CCL26: variants seen among roughly 807,000 people sequenced by gnomAD.
CCL26 encodes C-C motif chemokine ligand 26.
A neutral mutation model predicts 10.7 loss-of-function variants in CCL26; 10 were observed. The observed-to-expected ratio is 0.93, with a 90% CI of 0.57 to 1.58. The LOEUF (loss-of-function observed/expected upper bound fraction) is 1.58, where lower values mean the gene tolerates loss of function less well. CCL26 is among the 40% of genes most tolerant of loss of function. The pLI is 0.00. For missense variants in CCL26, 116 were observed against 111.0 expected, an observed-to-expected ratio of 1.05 and a Z score of -0.20; for synonymous variants, 43 against 41.4, an observed-to-expected ratio of 1.04 and a Z score of -0.15.
chr7:75,790,410 C>T (rs1386704547), upstream of CCL26, among the ~76,000 whole-genome samples: 7 of 130,386 alleles, frequency 5.4e-5, no homozygotes, highest in East Asian at 2.0e-3. Context: ...CCACCATGTT[C>T]TGCTAACTTA....
At chr7:75,788,555 G>T (rs535009067) in intron 1 of CCL26, among the ~76,000 whole-genome samples, 3 of 151,940 alleles carry the variant, frequency 2.0e-5, no homozygotes, top group South Asian at 4.2e-4. Context: ...TCACATGGAC[G>T]CGAGTGAAAC....
At chr7:75,789,027 T>C (rs1244374821) in intron 1 of CCL26, among the ~76,000 whole-genome samples, 2 of 151,774 alleles carry the variant, frequency 1.3e-5, no homozygotes, top group African/African-American at 4.8e-5. Context: ...GCTCAAGGGA[T>C]TCTCCCTCCT....
At chr7:75,784,755 C>T (rs1803145495) in intron 1 of CCL26, among the ~76,000 whole-genome samples, 1 of 151,984 alleles carries the variant, frequency 6.6e-6, no homozygotes, top group Non-Finnish European at 1.5e-5. Context: ...TCATTGCCAC[C>T]TTTTCCCCCA....
chr7:75,770,688 T>A (rs1440936369), intron 2 of CCL26, among the ~76,000 whole-genome samples: 2 of 151,716 alleles, frequency 1.3e-5, no homozygotes, highest in Admixed American at 6.6e-5. Flanking sequence ...GCCTATTTTA[T>A]TTTTTTTGAA....
At chr7:75,770,447 T>C (rs2031454247) in intron 2 of CCL26, among the ~76,000 whole-genome samples, 1 of 151,728 alleles carries the variant, frequency 6.6e-6, no homozygotes, top group African/African-American at 2.4e-5. Context: ...AATGGCGCGA[T>C]CTCGGCTCAC....
intron 1 of CCL26, among the ~76,000 whole-genome samples, chr7:75,783,969 C>T (rs907912698): frequency 2.0e-5 from 3 of 152,104 alleles, no homozygotes; most frequent in African/African-American, 7.2e-5. Context: ...AATAAAGCTC[C>T]AAAAATTAAA....
At chr7:75,790,157 C>CCCTTCCTTCCTTCCTTCCTT (rs1554530598), upstream of CCL26, among the ~76,000 whole-genome samples, 6 of 65,880 alleles carry the variant, frequency 9.1e-5, no homozygotes, top group South Asian at 7.7e-4. Context: ...CTGTCTCTCT[C>CCCTTCCTTCCTTCCTTCCTT]CCTTCCTTCC....
chr7:75,777,003 G>A (rs1228852444), upstream of CCL26, among the ~76,000 whole-genome samples: 2 of 152,160 alleles, frequency 1.3e-5, no homozygotes, highest in Non-Finnish European at 2.9e-5. Flanking sequence ...GGCCGAAGTG[G>A]GTGGATCACC....
At chr7:75,777,091 G>T (rs1203832862), upstream of CCL26, among the ~76,000 whole-genome samples, 1 of 152,106 alleles carries the variant, frequency 6.6e-6, no homozygotes, top group Non-Finnish European at 1.5e-5. Context: ...AATTAGCCGG[G>T]TGTGGTGGTG....
At chr7:75,791,013 C>CTTTTTTTTTTT (rs35608337), upstream of CCL26, among the ~76,000 whole-genome samples, 1 of 134,352 alleles carries the variant, frequency 7.4e-6, no homozygotes, top group Non-Finnish European at 1.6e-5. Flanking sequence ...GAAACTCCTC[C>CTTTTTTTTTTT]TTTTTTTTTT....
chr7:75,772,242 G>A, upstream of CCL26: 1 of 1,158,728 alleles, frequency 8.6e-7, no homozygotes. Context: ...CCTTTTATGA[G>A]ACTGAGACGG....
rs557013801 is a variant in CCL26 at position 75,785,729 on chromosome 7, A to G, written c.-79+3988T>C. On this transcript the variant is annotated intron_variant, in intron 1 of 3. Coordinates refer to the CCL26 transcript ENST00000394905. ...ACCTAGCTGACCCTATCGATCCTAA[A>G]TCCTTTCCCCATTCCTCTTTCCGTT... 2.0e-5 allele frequency among the ~76,000 whole-genome samples: 3 copies of G among 152,184 alleles called. No individual in the cohort carries two copies. In the South Asian group the frequency reaches 6.2e-4, roughly 32 times the overall value.
At chr7:75,774,194 C>G (rs6944633), upstream of CCL26, among the ~76,000 whole-genome samples, 31,846 of 152,040 alleles carry the variant, frequency 0.21, 3,679 homozygotes, top group Admixed American at 0.35. Context: ...CTGTTGCATA[C>G]GCTGGAGTGC....
At chr7:75,775,819 T>C (rs1802924752), upstream of CCL26, among the ~76,000 whole-genome samples, 1 of 150,214 alleles carries the variant, frequency 6.7e-6, no homozygotes, top group African/African-American at 2.5e-5. Flanking sequence ...TTCTCTTCTT[T>C]AGACTGAACT....
At chr7:75,771,338 C>G (rs1751732592) in intron 2 of CCL26, among the ~76,000 whole-genome samples, 2 of 152,164 alleles carry the variant, frequency 1.3e-5, no homozygotes, top group South Asian at 4.1e-4. Context: ...ACCCTGCACT[C>G]AACATGTCAT....
At chr7:75,788,405 A>G (rs1803249975) in intron 1 of CCL26, among the ~76,000 whole-genome samples, 1 of 151,576 alleles carries the variant, frequency 6.6e-6, no homozygotes, top group South Asian at 2.1e-4. Flanking sequence ...TTTGACTGTA[A>G]TTTTCCATTA....
At chr7:75,777,287 T>C (rs1158642588) in intron 1 of CCL26, among the ~76,000 whole-genome samples, 1 of 152,086 alleles carries the variant, frequency 6.6e-6, no homozygotes, top group African/African-American at 2.4e-5. Flanking sequence ...CACACTAGAA[T>C]ATTCATAGCA....
intron 1 of CCL26, among the ~76,000 whole-genome samples, chr7:75,784,309 C>T (rs1455216048): frequency 2.6e-5 from 4 of 152,212 alleles, no homozygotes; most frequent in African/African-American, 4.8e-5. Context: ...ATGTCCAACT[C>T]GCCCAGCAGC....
At chr7:75,791,176 G>A (rs181954924), upstream of CCL26, among the ~76,000 whole-genome samples, 2,392 of 151,698 alleles carry the variant, frequency 0.016, 28 homozygotes, top group Non-Finnish European at 0.024. Context: ...ACAGGCACCC[G>A]CCACCACACC....
Sources: gnomAD v4.1 joint callset for allele counts (sites outside exome capture counted in the v4.1 genomes callset) on GRCh38, gnomAD v4.1.1 for gene constraint, MANE v1.5 for transcripts, NCBI Gene and HGNC (gene_info 2026-07-23, HGNC 2026-07-21) for gene names.